SLMAP: variants seen among roughly 807,000 people sequenced by gnomAD.
SLMAP encodes the protein sarcolemma associated protein, also known as sarcolemmal membrane-associated protein.
Under a neutral mutation model 128.8 loss-of-function variants are expected in SLMAP, and 44 were observed. The observed-to-expected ratio is 0.34, with a 90% CI of 0.27 to 0.44. The LOEUF (loss-of-function observed/expected upper bound fraction) is 0.44, where lower values mean the gene tolerates loss of function less well. SLMAP is among the 20% of genes least tolerant of loss of function. The pLI is 1.00. For missense variants in SLMAP, 787 were observed against 985.3 expected (o/e 0.80, Z 2.69); for synonymous variants, 327 against 348.8 (o/e 0.94, Z 0.70).
At chr3:57,830,227 C>T (rs1343551211) in intron 2 of SLMAP, among the ~76,000 whole-genome samples, 22 of 152,176 alleles carry the variant, frequency 1.4e-4, no homozygotes, top group Admixed American at 3.9e-4. Flanking sequence ...AGGCTGGTCT[C>T]GAACCTCTGA....
intron 2 of SLMAP, among the ~76,000 whole-genome samples, chr3:57,823,934 T>G (rs1002846197): frequency 6.6e-6 from 1 of 152,194 alleles, no homozygotes; most frequent in African/African-American, 2.4e-5. Context: ...AGATGGTATC[T>G]CATTGTGGTT....
chr3:57,917,110 G>A, intron 22 of SLMAP, 33 bp downstream of exon 22: 2 of 1,612,522 alleles, frequency 1.2e-6, no homozygotes, highest in Non-Finnish European at 1.7e-6. Context: ...GCCCAATTAT[G>A]GTTGGACTTA....
chr3:57,809,425 C>G (rs576887180), intron 2 of SLMAP, among the ~76,000 whole-genome samples: 1 of 152,342 alleles, frequency 6.6e-6, no homozygotes, highest in South Asian at 2.1e-4. Flanking sequence ...CCTCCTGTCA[C>G]CTCAGCCCAC....
chr3:57,857,980 G>C, intron 7 of SLMAP, 108 bp from the exon 8 acceptor site: 1 of 919,038 alleles, frequency 1.1e-6, no homozygotes, highest in Middle Eastern at 2.6e-4. Flanking sequence ...GTGGATGCTG[G>C]TCAGTTTTAC....
chr3:57,885,727 T>G (rs1021139114), intron 14 of SLMAP, among the ~76,000 whole-genome samples: 15 of 148,060 alleles, frequency 1.0e-4, no homozygotes, highest in Non-Finnish European at 2.2e-4. Flanking sequence ...CCATCTTGTT[T>G]TTGTTGTTGT....
intron 22 of SLMAP, among the ~76,000 whole-genome samples, chr3:57,920,762 C>T (rs895943443): frequency 1.3e-5 from 2 of 152,068 alleles, no homozygotes; most frequent in African/African-American, 4.8e-5. Context: ...CACCTGTAAT[C>T]CCAGCACTTT....
intron 6 of SLMAP, among the ~76,000 whole-genome samples, chr3:57,851,529 C>T (rs1220217749): frequency 6.6e-6 from 1 of 151,122 alleles, no homozygotes; most frequent in African/African-American, 2.4e-5. Context: ...CTGGAGTGCA[C>T]TGGCGCAATC....
intron 9 of SLMAP, 39 bp downstream of exon 9, chr3:57,860,878 A>T: frequency 6.7e-7 from 1 of 1,484,758 alleles, no homozygotes; most frequent in Non-Finnish European, 9.1e-7. Context: ...TAGTATTATG[A>T]GTGTTCAAAA....
At chr3:57,911,493 G>A (rs1400282071) in intron 19 of SLMAP, among the ~76,000 whole-genome samples, 1 of 151,792 alleles carries the variant, frequency 6.6e-6, no homozygotes, top group African/African-American at 2.4e-5. Context: ...TTCCAGTTTG[G>A]GTCATGAGCA....
chr3:57,885,727 T>TTTGTTGTTGTTG (rs775370653), intron 14 of SLMAP, among the ~76,000 whole-genome samples: 1 of 148,060 alleles, frequency 6.8e-6, no homozygotes, highest in Non-Finnish European at 1.5e-5. Flanking sequence ...CCATCTTGTT[T>TTTGTTGTTGTTG]TTGTTGTTGT....
intron 2 of SLMAP, among the ~76,000 whole-genome samples, chr3:57,775,337 C>T (rs1576294143): frequency 6.6e-6 from 1 of 151,748 alleles, no homozygotes; most frequent in Admixed American, 6.6e-5. Context: ...CCACCGCGCC[C>T]GGCGAAAACT....
rs758466685 is a variant in SLMAP at position 57,896,616 on chromosome 3, G to C, written c.1441+25G>C. The C allele has an allele frequency of 4.2e-5, 66 of 1,553,470 alleles. No individual in the cohort carries two copies. In the Middle Eastern group the frequency reaches 2.0e-3, roughly 48 times the overall value. ...GGTGAGTTTTAACCTAATGTTTACA[G>C]ACCTGCAGCTGTTAATGGCAGTTTA... On this transcript the variant is annotated intron_variant, in intron 16 of 24. Transcript: ENST00000671191.
chr3:57,899,471 G>A (rs2096317396), intron 17 of SLMAP: 1 of 152,154 alleles, frequency 6.6e-6, no homozygotes, highest in Non-Finnish European at 1.5e-5. Context: ...CTGTATGATT[G>A]CCAACTTTTT....
At chr3:57,906,272 G>A (rs1422567818) in intron 17 of SLMAP, among the ~76,000 whole-genome samples, 2 of 114,280 alleles carry the variant, frequency 1.8e-5, no homozygotes, top group Non-Finnish European at 3.8e-5. Flanking sequence ...GTTGACTAGA[G>A]TAGCTGAACC....
At chr3:57,793,658 C>G (rs1444448405) in intron 2 of SLMAP, among the ~76,000 whole-genome samples, 1 of 152,024 alleles carries the variant, frequency 6.6e-6, no homozygotes, top group Non-Finnish European at 1.5e-5. Flanking sequence ...TAGTTTTGTC[C>G]TCAACTACTA....
chr3:57,768,878 C>T (rs1160976423), intron 2 of SLMAP, among the ~76,000 whole-genome samples: 1 of 152,146 alleles, frequency 6.6e-6, no homozygotes, highest in East Asian at 1.9e-4. Flanking sequence ...GGACTCAAGA[C>T]TACACAACAG....
At chr3:57,772,198 A>G (rs542294357) in intron 2 of SLMAP, among the ~76,000 whole-genome samples, 1 of 152,218 alleles carries the variant, frequency 6.6e-6, no homozygotes, top group Non-Finnish European at 1.5e-5. Context: ...AGGGTAGAGA[A>G]TAACAGGTGT....
At chr3:57,822,755 C>T (rs1393889472) in intron 2 of SLMAP, among the ~76,000 whole-genome samples, 1 of 152,150 alleles carries the variant, frequency 6.6e-6, no homozygotes, top group Non-Finnish European at 1.5e-5. Context: ...GCTGTTTCAA[C>T]CCCCACAAGC....
intron 15 of SLMAP, among the ~76,000 whole-genome samples, chr3:57,891,949 C>T (rs2096083822): frequency 6.6e-6 from 1 of 151,950 alleles, no homozygotes; most frequent in Non-Finnish European, 1.5e-5. Context: ...TTAAAAGCAA[C>T]AAGAGGAAAG....
Sources: allele counts gnomAD v4.1 joint callset (sites outside exome capture counted in the v4.1 genomes callset), GRCh38; gene constraint gnomAD v4.1.1; transcripts MANE v1.5; gene names NCBI Gene and HGNC (gene_info 2026-07-23, HGNC 2026-07-21).